TBL1XR1: variants seen among roughly 807,000 people sequenced by gnomAD.
TBL1XR1 encodes F-box-like/WD repeat-containing protein TBL1XR1.
Under a neutral mutation model 66.9 loss-of-function variants are expected in TBL1XR1, and 5 were observed. The observed-to-expected ratio is 0.07, with a 90% CI of 0.04 to 0.16. The LOEUF (loss-of-function observed/expected upper bound fraction) is 0.16, where lower values mean the gene tolerates loss of function less well. Among genes scored for constraint, TBL1XR1 ranks in the 10% least tolerant of loss-of-function variants. The pLI is 1.00. For missense variants in TBL1XR1, 238 were observed against 623.2 expected (o/e 0.38, Z 6.58); for synonymous variants, 210 against 206.0 (o/e 1.02, Z -0.17).
chr3:177,146,589 C>CAAAAAAAAA lies in TBL1XR1; in HGVS notation c.-121-48057_-121-48049dup, dbSNP rs78065426. ...TGGGCAGCTGAGCGAGACTCCATCT[C>CAAAAAAAAA]AAAAAAAAAAAAAAAAAAGTTGTAT... On this transcript the variant is annotated intron_variant, in intron 1 of 15. Transcript: ENST00000457928. Among the ~76,000 whole-genome samples the CAAAAAAAAA allele has an allele frequency of 4.8e-4, 25 of 51,952 alleles. 4 individuals carry two copies. The highest frequency in any genetic ancestry group is 9.5e-4 in the African/African-American group (13 of 13,738). 34.1% of individuals were successfully genotyped at this position (51,952 alleles called of 152,430 possible).
At chr3:177,159,632 G>T (rs1420316256) in intron 1 of TBL1XR1, among the ~76,000 whole-genome samples, 1 of 152,108 alleles carries the variant, frequency 6.6e-6, no homozygotes, top group Non-Finnish European at 1.5e-5. Context: ...AGATATGTCA[G>T]TGTGCAAAAA....
At chr3:177,140,570 A>G (rs1227312555) in intron 1 of TBL1XR1, among the ~76,000 whole-genome samples, 2 of 152,238 alleles carry the variant, frequency 1.3e-5, no homozygotes, top group Non-Finnish European at 2.9e-5. Context: ...CTGAAAAGGT[A>G]AAGTGGCAAA....
In TBL1XR1 at chr3:177,050,626, C is replaced by T. The variant is rs1560117228; in HGVS notation, c.428-16G>A. 4 of 1,613,220 alleles carry T rather than the reference C, an allele frequency of 2.5e-6. No individual in the cohort carries two copies. The East Asian group carries it at 6.7e-5, about 27-fold the overall frequency. The stretch of plus-strand genomic sequence containing the variant: ...GTATGATTATCTGCATCGTGAAACA[C>T]AAGTAAGCATTTCCAGTTAGGCAGT... On this transcript the variant is annotated splice_polypyrimidine_tract_variant and intron_variant, in intron 5 of 15. Coordinates refer to ENST00000457928, the MANE Select transcript of TBL1XR1 (RefSeq NM_024665.7).
At chr3:177,086,730 T>C (rs1482410736) in intron 2 of TBL1XR1, among the ~76,000 whole-genome samples, 1 of 151,624 alleles carries the variant, frequency 6.6e-6, no homozygotes, top group African/African-American at 2.4e-5. Flanking sequence ...ACATATACAG[T>C]TGACCCTTGT....
intron 10 of TBL1XR1, among the ~76,000 whole-genome samples, chr3:177,039,578 GT>G (rs1715286268): frequency 6.6e-6 from 1 of 152,192 alleles, no homozygotes; most frequent in African/African-American, 2.4e-5. Flanking sequence ...AATACTTTGA[GT>G]TTAGCTCTGA....
At chr3:177,148,773 G>C (rs535822766) in intron 1 of TBL1XR1, among the ~76,000 whole-genome samples, 1 of 152,206 alleles carries the variant, frequency 6.6e-6, no homozygotes, top group East Asian at 1.9e-4. Flanking sequence ...ACTTTGGGAG[G>C]CCGGGTGGAT....
chr3:177,153,963 T>TAA (rs1249510784), intron 1 of TBL1XR1, among the ~76,000 whole-genome samples: 1 of 144,812 alleles, frequency 6.9e-6, no homozygotes, highest in African/African-American at 2.6e-5. Context: ...ATAGTAGAAA[T>TAA]AATATAGAGT....
Position 177,023,225 on chromosome 3 carries a change from T to A in TBL1XR1, c.*2273A>T. ...ACTTTCAGATTTAAATTCAGTGCAA[T>A]TGACAAATGCATCACTAAAGGAAAA... On this transcript the variant is annotated 3_prime_UTR_variant, in exon 16 of 16. Coordinates refer to ENST00000457928, the MANE Select transcript of TBL1XR1 (RefSeq NM_024665.7). 6.6e-6 allele frequency: 1 copy of A among 152,546 alleles called. No homozygotes were observed. The highest frequency in any genetic ancestry group is 1.9e-4 in the East Asian group (1 of 5,196). The allele number at this position is 152,546 out of a possible 1,614,324, so 9.4% of individuals were successfully genotyped here. A position where few individuals can be genotyped will look rare whatever the true frequency, so the allele number is the denominator to read the frequency against.
chr3:177,026,297 G>T, intron 15 of TBL1XR1, 76 bp downstream of exon 15: 4 of 1,139,842 alleles, frequency 3.5e-6, no homozygotes, highest in Non-Finnish European at 3.8e-6. Flanking sequence ...AAACACTTTG[G>T]TATCACTAAC....
intron 2 of TBL1XR1, among the ~76,000 whole-genome samples, chr3:177,095,322 C>T (rs537684882): frequency 1.3e-3 from 191 of 152,006 alleles, no homozygotes; most frequent in African/African-American, 4.4e-3. Context: ...GCACTTCAGC[C>T]TGGGCAACAG....
chr3:177,200,476 G>A (rs914839299), upstream of TBL1XR1, among the ~76,000 whole-genome samples: 1 of 152,108 alleles, frequency 6.6e-6, no homozygotes, highest in Non-Finnish European at 1.5e-5. Context: ...CATATGTATT[G>A]TCGCCTCGCC....
At chr3:177,128,232 A>C (rs1233053683) in intron 1 of TBL1XR1, among the ~76,000 whole-genome samples, 3 of 149,130 alleles carry the variant, frequency 2.0e-5, no homozygotes, top group Non-Finnish European at 3.0e-5. Flanking sequence ...AAAAAAAGAC[A>C]AAAAAAAAAT....
At chr3:177,152,431 C>T (rs1189137495) in intron 1 of TBL1XR1, among the ~76,000 whole-genome samples, 1 of 152,044 alleles carries the variant, frequency 6.6e-6, no homozygotes, top group African/African-American at 2.4e-5. Flanking sequence ...GGATTACAGG[C>T]ACCCACCACC....
At chr3:177,034,571 T>G (rs1394531691) in intron 12 of TBL1XR1, among the ~76,000 whole-genome samples, 2 of 152,128 alleles carry the variant, frequency 1.3e-5, no homozygotes, top group Admixed American at 1.3e-4. Context: ...GTTTGAAGAC[T>G]GAATTAACTA....
At chr3:177,077,199 A>C (rs1246927401) in intron 2 of TBL1XR1, among the ~76,000 whole-genome samples, 2 of 152,246 alleles carry the variant, frequency 1.3e-5, no homozygotes, top group Non-Finnish European at 2.9e-5. Flanking sequence ...ATCTCTAGGG[A>C]ATATAATCTA....
chr3:177,030,791 T>G (rs1406003496), intron 14 of TBL1XR1, among the ~76,000 whole-genome samples: 1 of 152,256 alleles, frequency 6.6e-6, no homozygotes, highest in Admixed American at 6.5e-5. Context: ...TCATCAACTC[T>G]GTAACTGTTG....
At chr3:177,103,382 C>T (rs1264411532) in intron 1 of TBL1XR1, among the ~76,000 whole-genome samples, 6 of 152,124 alleles carry the variant, frequency 3.9e-5, no homozygotes, top group Admixed American at 3.9e-4. Flanking sequence ...GTTTTGTCTC[C>T]AAACAAAAAG....
intron 1 of TBL1XR1, among the ~76,000 whole-genome samples, chr3:177,192,916 G>A (rs528856182): frequency 1.3e-5 from 2 of 152,250 alleles, no homozygotes; most frequent in South Asian, 4.2e-4. Flanking sequence ...CCTTTGGGAG[G>A]CCGAGGCAGG....
chr3:177,188,681 A>C (rs778658648), intron 1 of TBL1XR1, among the ~76,000 whole-genome samples: 3 of 152,204 alleles, frequency 2.0e-5, no homozygotes, highest in Admixed American at 6.5e-5. Flanking sequence ...TCACAGTTTA[A>C]ATGTTCAACA....
Sources: allele counts gnomAD v4.1 joint callset (sites outside exome capture counted in the v4.1 genomes callset), GRCh38; gene constraint gnomAD v4.1.1; transcripts MANE v1.5; gene names NCBI Gene and HGNC (gene_info 2026-07-23, HGNC 2026-07-21).